CHST6: variants seen among roughly 807,000 people sequenced by gnomAD.
CHST6 encodes carbohydrate sulfotransferase 6.
For missense variants in CHST6, 698 were observed against 586.2 expected (o/e 1.19, Z -1.97); for synonymous variants, 309 against 276.4 (o/e 1.12, Z -1.17).
In CHST6 at chr16:75,479,082, G is replaced by T. The variant is rs545496065; in HGVS notation, c.747C>A (p.His249Gln). The change falls in exon 3 of 3, where the codon CAC becomes CAA. Residue 249 changes from histidine (H) to glutamine (Q), a missense_variant. His to Gln is a conservative substitution (Grantham distance 24). Coordinates refer to ENST00000332272, the MANE Select transcript of CHST6 (RefSeq NM_021615.5). ...LRVVREVCRSHVRIAEAATLK... is the reference protein window; with the variant it reads ...LRVVREVCRSQVRIAEAATLK... ...GTGTGGCGGCCTCGGCGATGCGTAC[G>T]TGGCTACGGCACACCTCGCGCACCA... is the stretch of plus-strand genomic sequence containing the variant. 6.2e-7 allele frequency: 1 copy of T among 1,605,696 alleles called. No homozygotes were observed. Among genetic ancestry groups the T allele is most frequent in the East Asian group, 2.2e-5 (1 of 44,858 alleles).
intron 1 of CHST6, among the ~76,000 whole-genome samples, chr16:75,493,067 T>A (rs1369288519): frequency 6.6e-6 from 1 of 152,100 alleles, no homozygotes; most frequent in African/African-American, 2.4e-5. Flanking sequence ...CTGGACCCAT[T>A]TCCCCGCCCA....
rs909679779 is a variant in CHST6 at position 75,474,637 on chromosome 16, G to C, written c.*4004C>G. On this transcript the variant is annotated 3_prime_UTR_variant, in exon 3 of 3. Transcript: ENST00000332272. ...CAGTTCTGGAGGCTGGGAAGCCCAA[G>C]ATCAAGGAGCCAGCATCTAGCGAGA... 1 of 398,990 alleles carries C rather than the reference G, an allele frequency of 2.5e-6. No individual in the cohort carries two copies. Among genetic ancestry groups the C allele is most frequent in the African/African-American group, 2.1e-5 (1 of 48,748 alleles). 24.7% of individuals were successfully genotyped at this position (398,990 alleles called of 1,614,324 possible).
rs1368274167 is a variant in CHST6 at position 75,477,072 on chromosome 16, A to G, written c.*1569T>C. 6.6e-6 allele frequency: 1 copy of G among 152,220 alleles called. No homozygotes were observed. The highest frequency in any genetic ancestry group is 1.5e-5 in the Non-Finnish European group (1 of 68,040). The allele number at this position is 152,220 out of a possible 1,614,324, so 9.4% of individuals were successfully genotyped here. ...TTACCCACTCTTAAGGTATTTTGTT[A>G]TAACCACCTGAACAAGAACAAAGAC... On this transcript the variant is annotated 3_prime_UTR_variant, in exon 3 of 3. Coordinates refer to ENST00000332272, the MANE Select transcript of CHST6 (RefSeq NM_021615.5).
intron 1 of CHST6, among the ~76,000 whole-genome samples, chr16:75,488,858 G>A (rs1023067523): frequency 6.6e-6 from 1 of 151,946 alleles, no homozygotes; most frequent in African/African-American, 2.4e-5. Context: ...TTGCACTCCA[G>A]CCTGGGCAAC....
chr16:75,472,869 T>C lies in CHST6; in HGVS notation c.*5772A>G, dbSNP rs1012890253. The stretch of plus-strand genomic sequence containing the variant: ...CCATCAGCCCATCTAGTGCTTTGAT[T>C]GCCCCTTCTGAGCTCCCACAGCCAG... On this transcript the variant is annotated 3_prime_UTR_variant, in exon 3 of 3. Coordinates refer to ENST00000332272, the MANE Select transcript of CHST6 (RefSeq NM_021615.5). 4 of 152,238 alleles carry C rather than the reference T, an allele frequency of 2.6e-5. No homozygotes were observed. Among genetic ancestry groups the C allele is most frequent in the African/African-American group, 9.6e-5 (4 of 41,458 alleles). 9.4% of individuals were successfully genotyped at this position (152,238 alleles called of 1,614,324 possible). A position where few individuals can be genotyped will look rare whatever the true frequency, so the allele number is the denominator to read the frequency against.
chr16:75,493,493 G>A (rs2080278102), intron 1 of CHST6, among the ~76,000 whole-genome samples: 1 of 150,338 alleles, frequency 6.7e-6, no homozygotes, highest in South Asian at 2.1e-4. Flanking sequence ...CTCCAGCCTC[G>A]GTGACAGAGC....
chr16:75,491,180 A>ATATATATAT (rs1567416040), intron 1 of CHST6, among the ~76,000 whole-genome samples: 2 of 81,680 alleles, frequency 2.4e-5, no homozygotes, highest in African/African-American at 5.0e-5. Context: ...AAAAAAAAAA[A>ATATATATAT]AAAAAAAAAA....
rs76667153 is a variant in CHST6, at chr16:75,483,317, G to A, written c.-91-1426C>T. Among the ~76,000 whole-genome samples, 640 of 152,300 alleles carry A rather than the reference G, an allele frequency of 4.2e-3. 6 individuals are homozygous for A. Among genetic ancestry groups the A allele is most frequent in the African/African-American group, 0.014 (565 of 41,560 alleles). Reference sequence around the variant, plus strand: ...CCAGCTCAGCCCTTCCCTGGGTAGGGAGGATCTTGATCCCAAGCCAAGGTA... The same window carrying A: ...CCAGCTCAGCCCTTCCCTGGGTAGGAAGGATCTTGATCCCAAGCCAAGGTA... On this transcript the variant is annotated intron_variant, in intron 1 of 2. Transcript: ENST00000332272.
chr16:75,479,772 G>C lies in CHST6; in HGVS notation c.57C>G (p.Thr19=). The change falls in exon 3 of 3, where the codon ACC becomes ACG. Residue 19 remains threonine, a synonymous_variant. Coordinates refer to ENST00000332272, the MANE Select transcript of CHST6 (RefSeq NM_021615.5). The part of the protein sequence containing the change: ...TAVTALLLAQ[T]FLLLFLVSRP... The stretch of plus-strand genomic sequence containing the variant: ...GGGAAACCAGAAAGAGGAGGAGGAA[G>C]GTCTGCGCCAGGAGGAGCGCGGTCA... 1 of 1,596,978 alleles carries C rather than the reference G, an allele frequency of 6.3e-7. No individual in the cohort carries two copies. Among genetic ancestry groups the C allele is most frequent in the Non-Finnish European group, 8.5e-7 (1 of 1,172,870 alleles).
chr16:75,480,199 T>C (rs533584732), intron 2 of CHST6, among the ~76,000 whole-genome samples: 1 of 152,340 alleles, frequency 6.6e-6, no homozygotes, highest in African/African-American at 2.4e-5. Context: ...GGAATTCCTG[T>C]CTTTTGCTTA....
intron 1 of CHST6, among the ~76,000 whole-genome samples, chr16:75,493,286 G>A (rs1048068942): frequency 4.6e-5 from 7 of 152,038 alleles, no homozygotes; most frequent in East Asian, 1.9e-4. Flanking sequence ...TGAGGAGGGC[G>A]GATCACGAGG....
chr16:75,488,536 GCCTTGAGGCAT>G (rs2080225197), intron 1 of CHST6, among the ~76,000 whole-genome samples: 2 of 151,970 alleles, frequency 1.3e-5, no homozygotes, highest in Admixed American at 1.3e-4. Flanking sequence ...GGAGTCAGTG[GCCTTGAGGCAT>G]CAAGAGCTAC....
At chr16:75,489,398 CAAAAAAAA>C (rs901241278) in intron 1 of CHST6, among the ~76,000 whole-genome samples, 12 of 58,140 alleles carry the variant, frequency 2.1e-4, no homozygotes, top group Non-Finnish European at 3.7e-4. Flanking sequence ...GACTCTGTCT[CAAAAAAAA>C]AAAAAAAAAA....
intron 1 of CHST6, among the ~76,000 whole-genome samples, chr16:75,488,152 A>T (rs1415317278): frequency 1.3e-5 from 2 of 152,166 alleles, no homozygotes; most frequent in African/African-American, 2.4e-5. Context: ...AGTTGGCTGG[A>T]GGTCATCCCT....
intron 1 of CHST6, among the ~76,000 whole-genome samples, chr16:75,484,786 G>C (rs2080177986): frequency 6.6e-6 from 1 of 152,140 alleles, no homozygotes; most frequent in African/African-American, 2.4e-5. Context: ...GGAGGTTGCA[G>C]TGAGCTGAGA....
At chr16:75,486,378 T>G (rs72789431) in intron 1 of CHST6, among the ~76,000 whole-genome samples, 52 of 152,320 alleles carry the variant, frequency 3.4e-4, no homozygotes, top group Non-Finnish European at 7.1e-4. Context: ...CTGATAACAG[T>G]CTCTAGGCTT....
At chr16:75,487,865 G>T (rs2080218044) in intron 1 of CHST6, among the ~76,000 whole-genome samples, 1 of 151,400 alleles carries the variant, frequency 6.6e-6, no homozygotes, top group African/African-American at 2.4e-5. Context: ...GTGTGGTGGT[G>T]GGCACCTGTA....
chr16:75,487,153 C>G lies in CHST6; in HGVS notation c.-91-5262G>C, dbSNP rs750537923. Among the ~76,000 whole-genome samples, 29 of 152,210 alleles carry G rather than the reference C, an allele frequency of 1.9e-4. 1 individual carries two copies. The highest frequency in any genetic ancestry group is 3.3e-4 in the Admixed American group (5 of 15,278). Reference sequence around the variant, plus strand: ...CCCAGTAGCCCACATGGCTTTCTGCCGAGCACCTTAAAGTCACAGGATCTT... The same window carrying G: ...CCCAGTAGCCCACATGGCTTTCTGCGGAGCACCTTAAAGTCACAGGATCTT... On this transcript the variant is annotated intron_variant, in intron 1 of 2. Transcript: ENST00000332272.
At chr16:75,487,442 C>A (rs139497687) in intron 1 of CHST6, among the ~76,000 whole-genome samples, 116 of 151,510 alleles carry the variant, frequency 7.7e-4, no homozygotes, top group Non-Finnish European at 1.4e-3. Flanking sequence ...AGGCAGGTGG[C>A]TCACCTGAGG....
Sources: gnomAD v4.1 joint callset for allele counts (sites outside exome capture counted in the v4.1 genomes callset) on GRCh38, gnomAD v4.1.1 for gene constraint, MANE v1.5 for transcripts, NCBI Gene and HGNC (gene_info 2026-07-23, HGNC 2026-07-21) for gene names.